Variants in DGCR8 observed in about 807,000 individuals in gnomAD.
DGCR8 encodes the protein DGCR8 microprocessor complex subunit, also known as microprocessor complex subunit DGCR8.
A neutral mutation model predicts 78.5 loss-of-function variants in DGCR8; 14 were observed. The observed-to-expected ratio is 0.18, with a 90% CI of 0.12 to 0.28. DGCR8 has a LOEUF of 0.28. Ranked by LOEUF, DGCR8 falls within the 10% of genes least tolerant of loss-of-function variation. The pLI is 1.00. For missense variants in DGCR8, 702 were observed against 1,022.5 expected (o/e 0.69, Z 4.28); for synonymous variants, 399 against 402.4 (o/e 0.99, Z 0.10).
intron 8 of DGCR8, 73 bp downstream of exon 8, chr22:20,092,980 G>T: frequency 1.6e-6 from 2 of 1,214,246 alleles, no homozygotes; most frequent in Non-Finnish European, 1.2e-6. Flanking sequence ...TTAGGGAGGG[G>T]CTGAGCAGTG....
intron 9 of DGCR8, chr22:20,102,250 G>C (rs958867198): frequency 5.2e-5 from 13 of 248,266 alleles, no homozygotes; most frequent in African/African-American, 2.5e-4. Flanking sequence ...TCTCCCACCT[G>C]TATCCTCTGG....
Position 20,092,454 on chromosome 22 carries a change from T to C in DGCR8, c.1607-355T>C, listed in dbSNP as rs149329466. On this transcript the variant is annotated intron_variant, in intron 7 of 13. Coordinates refer to ENST00000351989, the MANE Select transcript of DGCR8 (RefSeq NM_022720.7). Reference sequence around the variant, plus strand: ...GGGGGTCACTCATCCTTTGAGGTGGTGTTTCTTTGGCAAGCCACATCTTGT... The same window carrying C: ...GGGGGTCACTCATCCTTTGAGGTGGCGTTTCTTTGGCAAGCCACATCTTGT... 4.2e-3 allele frequency among the ~76,000 whole-genome samples: 644 copies of C among 152,260 alleles called. 5 individuals are homozygous for C. The highest frequency in any genetic ancestry group is 0.015 in the African/African-American group (614 of 41,544).
rs2049850452 is a variant in DGCR8 at position 20,111,706 on chromosome 22, G to GCCCGCCC, written c.*1601_*1602insGCCCCCC. The stretch of plus-strand genomic sequence containing the variant: ...TGCCATACTCTTGTGGTCTCTGTGC[G>GCCCGCCC]CCCCCCCCCCCCCCCCACCCGTCTG... On this transcript the variant is annotated 3_prime_UTR_variant, in exon 14 of 14. Transcript: ENST00000351989. 6 of 63,028 alleles carry GCCCGCCC rather than the reference G, an allele frequency of 9.5e-5. No homozygotes were observed. Among genetic ancestry groups the GCCCGCCC allele is most frequent in the Admixed American group, 3.9e-4 (2 of 5,080 alleles). 3.9% of individuals were successfully genotyped at this position (63,028 alleles called of 1,614,324 possible).
At chr22:20,082,530 G>T (rs2049430373) in intron 1 of DGCR8, among the ~76,000 whole-genome samples, 1 of 151,972 alleles carries the variant, frequency 6.6e-6, no homozygotes, top group Non-Finnish European at 1.5e-5. Flanking sequence ...ACCACACTCG[G>T]CTAATTTTTT....
rs560343149 is a variant in DGCR8, at chr22:20,111,629, T to C, written c.*1521T>C. 22 of 351,080 alleles carry C rather than the reference T, an allele frequency of 6.3e-5. No homozygotes were observed. Among genetic ancestry groups the C allele is most frequent in the African/African-American group, 1.3e-4 (6 of 46,348 alleles). 21.7% of individuals were successfully genotyped at this position (351,080 alleles called of 1,614,324 possible). A position where few individuals can be genotyped will look rare whatever the true frequency, so the allele number is the denominator to read the frequency against. On this transcript the variant is annotated 3_prime_UTR_variant, in exon 14 of 14. Coordinates refer to ENST00000351989, the MANE Select transcript of DGCR8 (RefSeq NM_022720.7). ...TCGTGCACATGTGTTCCCCTAAAGGTTGGGGAGCCTCGCTGTGTCTTGCTG... is the reference window on the plus strand; with the variant it reads ...TCGTGCACATGTGTTCCCCTAAAGGCTGGGGAGCCTCGCTGTGTCTTGCTG...
chr22:20,086,539 G>A lies in DGCR8; in HGVS notation c.576G>A (p.Lys192=). 1 of 1,614,056 alleles carries A rather than the reference G, an allele frequency of 6.2e-7. No homozygotes were observed. The highest frequency in any genetic ancestry group is 8.5e-7 in the Non-Finnish European group (1 of 1,180,010). ...KDEENELDQE[K]RVEYAVLDEL... Reference sequence around the variant, plus strand: ...AGGAGAATGAGCTGGATCAGGAAAAGAGAGTGGAGTATGCAGTGCTCGATG... The same window carrying A: ...AGGAGAATGAGCTGGATCAGGAAAAAAGAGTGGAGTATGCAGTGCTCGATG... Residue 192 remains lysine (K), a synonymous_variant, in exon 2 of 14, where the codon AAG becomes AAA. Coordinates refer to ENST00000351989, the MANE Select transcript of DGCR8 (RefSeq NM_022720.7). The surrounding 1 kb of genome is among the most constrained non-coding windows in gnomAD (Gnocchi z 6.4).
chr22:20,092,514 C>T (rs941807529), intron 7 of DGCR8, among the ~76,000 whole-genome samples: 3 of 152,196 alleles, frequency 2.0e-5, no homozygotes, highest in Non-Finnish European at 4.4e-5. Flanking sequence ...GTCCGTCTTT[C>T]GTAGACCTTG....
chr22:20,111,706 G>GCGGGGGGCCCCCC lies in DGCR8; in HGVS notation c.*1599_*1600insGGGGGGCCCCCCC. On this transcript the variant is annotated 3_prime_UTR_variant, in exon 14 of 14. Coordinates refer to ENST00000351989, the MANE Select transcript of DGCR8 (RefSeq NM_022720.7). The stretch of plus-strand genomic sequence containing the variant: ...TGCCATACTCTTGTGGTCTCTGTGC[G>GCGGGGGGCCCCCC]CCCCCCCCCCCCCCCCACCCGTCTG... 1 of 63,040 alleles carries GCGGGGGGCCCCCC rather than the reference G, an allele frequency of 1.6e-5. No individual in the cohort carries two copies. The highest frequency in any genetic ancestry group is 2.0e-4 in the East Asian group (1 of 4,964). The allele number at this position is 63,040 out of a possible 1,614,324, so 3.9% of individuals were successfully genotyped here.
rs2049581789 is a variant in DGCR8 at position 20,092,825 on chromosome 22, T to C, written c.1623T>C (p.Pro541=). 1.2e-6 allele frequency: 2 copies of C among 1,612,478 alleles called. No individual in the cohort carries two copies. ...AATTTTAAGAGAACCCAAGTGAGCC[T>C]TTTGGTGCCTCGGTGACCATTGATG... ...NFFECENPSE[P]FGASVTIDGV... The change falls in exon 8 of 14, where the codon CCT becomes CCC. Residue 541 remains proline (P), a synonymous_variant. Transcript: ENST00000351989.
In DGCR8 at chr22:20,086,016, C is replaced by T. The variant is rs749377689; in HGVS notation, c.53C>T (p.Ala18Val). The change falls in exon 2 of 14, where the codon GCG (alanine) becomes GTG (valine). Residue 18 changes from alanine (A) to valine (V), a missense_variant. Physicochemically the swap from Ala to Val is moderately conservative, Grantham distance 64 (BLOSUM62 0). Around this residue, in one of 4 missense-constraint regions of DGCR8, gnomAD observed 356 missense variants for 448.9 expected, o/e 0.79. Transcript: ENST00000351989. The surrounding 1 kb of genome is among the most constrained non-coding windows in gnomAD (Gnocchi z 6.4). ...CTCCCGTGTGGGCCCGCAGGAGAAGCGGTGATGGAGAGCCGAGCTCGCCCC... is the reference window on the plus strand; with the variant it reads ...CTCCCGTGTGGGCCCGCAGGAGAAGTGGTGATGGAGAGCCGAGCTCGCCCC... ...SPLPCGPAGE[A>V]VMESRARPFQ... The T allele has an allele frequency of 8.1e-6, 13 of 1,612,164 alleles. No homozygotes were observed. Among genetic ancestry groups the T allele is most frequent in the African/African-American group, 2.7e-5 (2 of 74,916 alleles).
chr22:20,106,826 C>A, intron 11 of DGCR8, 128 bp downstream of exon 11: 1 of 702,940 alleles, frequency 1.4e-6, no homozygotes. Context: ...GTGTGCTGGC[C>A]ACCACACGTT....
At chr22:20,082,051 CTTT>C (rs113585822) in intron 1 of DGCR8, among the ~76,000 whole-genome samples, 1 of 140,548 alleles carries the variant, frequency 7.1e-6, no homozygotes, top group African/African-American at 2.6e-5. Flanking sequence ...TTCTTTCTTT[CTTT>C]TTTTTTTTTT....
At chr22:20,090,727 T>C (rs1286734635) in intron 5 of DGCR8, among the ~76,000 whole-genome samples, 3 of 152,234 alleles carry the variant, frequency 2.0e-5, no homozygotes, top group African/African-American at 7.2e-5. Flanking sequence ...GTACTGGTGT[T>C]TCCCATTCTC....
intron 1 of DGCR8, among the ~76,000 whole-genome samples, chr22:20,080,945 T>TGCTTGCATGTACCTTGTTCCTGCAC (rs2049411223): frequency 6.6e-6 from 1 of 152,248 alleles, no homozygotes; most frequent in Non-Finnish European, 1.5e-5. Context: ...CCTTTTTGCA[T>TGCTTGCATGTACCTTGTTCCTGCAC]GCTTGCATGT....
At chr22:20,105,760 T>G (rs1223055485) in intron 9 of DGCR8, among the ~76,000 whole-genome samples, 2 of 152,216 alleles carry the variant, frequency 1.3e-5, no homozygotes, top group African/African-American at 4.8e-5. Context: ...GGCCAGCTTT[T>G]GGGTCTGGCT....
chr22:20,108,702 A>G, intron 12 of DGCR8, 188 bp from the exon 13 acceptor site: 1 of 461,080 alleles, frequency 2.2e-6, no homozygotes, highest in Non-Finnish European at 4.1e-6. Flanking sequence ...TGCTGCTGTC[A>G]GTGGGCCTGG....
intron 9 of DGCR8, among the ~76,000 whole-genome samples, chr22:20,099,638 C>CT (rs1005514375): frequency 4.6e-5 from 7 of 152,196 alleles, no homozygotes; most frequent in African/African-American, 1.7e-4. Flanking sequence ...GAAAGCCTTT[C>CT]TTTAGTTTCC....
intron 9 of DGCR8, among the ~76,000 whole-genome samples, chr22:20,102,429 G>T (rs1035433470): frequency 3.3e-5 from 5 of 152,174 alleles, no homozygotes; most frequent in Admixed American, 1.3e-4. Context: ...GTGCCCCTCA[G>T]TGCGTCTCTC....
intron 9 of DGCR8, chr22:20,100,338 T>G (rs2049682416): frequency 9.1e-6 from 9 of 985,044 alleles, no homozygotes; most frequent in Non-Finnish European, 1.1e-5. Flanking sequence ...GTGCTGGGAT[T>G]ATAGGCGTGA....
Sources: gnomAD v4.1 joint callset for allele counts (sites outside exome capture counted in the v4.1 genomes callset) on GRCh38, gnomAD v4.1.1 for gene constraint, gnomAD v4.1.1 regional missense constraint, Gnocchi (gnomAD v3.1) non-coding constraint, MANE v1.5 for transcripts, NCBI Gene and HGNC (gene_info 2026-07-23, HGNC 2026-07-21) for gene names.